Variants in PTPRT observed in about 807,000 individuals in gnomAD.
PTPRT encodes the protein protein tyrosine phosphatase receptor type T, also known as receptor-type tyrosine-protein phosphatase T.
In PTPRT, 56 loss-of-function variants were observed where a neutral mutation model predicts 176.8. The observed-to-expected ratio is 0.32, with a 90% confidence interval of 0.26 to 0.40. The LOEUF is 0.40. PTPRT is among the 10% of genes least tolerant of loss of function. The probability of loss-of-function intolerance (pLI) is 1.00; values close to 1 mark genes in which losing one functional copy is unlikely to be tolerated. For synonymous variants in PTPRT, 783 were observed against 739.0 expected, an observed-to-expected ratio of 1.06 and a Z score of -0.96; for missense variants, 1,540 against 1,908.2, an observed-to-expected ratio of 0.81 and a Z score of 3.60.
At chr20:42,939,352 A>T (rs1208800417) in intron 1 of PTPRT, among the ~76,000 whole-genome samples, 1 of 152,214 alleles carries the variant, frequency 6.6e-6, no homozygotes, top group African/African-American at 2.4e-5. Context: ...CACTCCCGCC[A>T]TCTCAGCCCA....
intron 6 of PTPRT, among the ~76,000 whole-genome samples, chr20:42,734,691 A>G (rs1358631639): frequency 3.3e-5 from 5 of 152,238 alleles, no homozygotes; most frequent in Non-Finnish European, 5.9e-5. Context: ...ATGTACGCAG[A>G]TACTTGTTTC....
chr20:42,136,959 C>G (rs1370192280), intron 18 of PTPRT, among the ~76,000 whole-genome samples: 1 of 152,156 alleles, frequency 6.6e-6, no homozygotes, highest in Non-Finnish European at 1.5e-5. Context: ...TGTATATACC[C>G]ACTTCCATCA....
chr20:42,828,968 C>T (rs2078042665), intron 2 of PTPRT, among the ~76,000 whole-genome samples: 1 of 152,056 alleles, frequency 6.6e-6, no homozygotes, highest in Non-Finnish European at 1.5e-5. Context: ...GGGCCACAGT[C>T]CTCCAGACCC....
Position 42,922,546 on chromosome 20 carries a change from C to T in PTPRT, c.89-36614G>A, listed in dbSNP as rs556558536. The stretch of plus-strand genomic sequence containing the variant: ...AATATCGACTACTCTTCTCCAAACC[C>T]GTTCCTCTCAATCTTCCCTTGCTTG... On this transcript the variant is annotated intron_variant, in intron 1 of 30. Transcript: ENST00000373187. Among the ~76,000 whole-genome samples the T allele has an allele frequency of 1.4e-4, 22 of 152,332 alleles. No individual in the cohort carries two copies. The South Asian group carries it at 3.7e-3, about 26-fold the overall frequency.
At position 42,075,003 on chromosome 20, in the gene PTPRT, C is replaced by T. The variant is rs78000376; in HGVS notation, c.*5876G>A. 9.7e-4 allele frequency: 382 copies of T among 392,918 alleles called. 1 individual carries two copies. Among genetic ancestry groups the T allele is most frequent in the African/African-American group, 7.4e-3 (353 of 47,538 alleles). 24.3% of individuals were successfully genotyped at this position (392,918 alleles called of 1,614,324 possible). ...AAACTGGAGCTAGAACAGCTCCCCC[C>T]ACACTCCACCACTAACCTCTCTCCC... On this transcript the variant is annotated 3_prime_UTR_variant, in exon 31 of 31. Transcript: ENST00000373187.
chr20:42,154,477 G>A (rs954586792), intron 17 of PTPRT, among the ~76,000 whole-genome samples: 7 of 152,314 alleles, frequency 4.6e-5, no homozygotes, highest in African/African-American at 1.4e-4. Flanking sequence ...TGGTGTGTCC[G>A]TCCTGAGCTG....
chr20:42,519,460 CA>C, intron 7 of PTPRT, among the ~76,000 whole-genome samples: 1 of 152,202 alleles, frequency 6.6e-6, no homozygotes, highest in Middle Eastern at 3.4e-3. Flanking sequence ...ACTGCTTACA[CA>C]AAATATATAG....
At chr20:42,765,327 T>A (rs544883217) in intron 5 of PTPRT, among the ~76,000 whole-genome samples, 1 of 152,222 alleles carries the variant, frequency 6.6e-6, no homozygotes, top group African/African-American at 2.4e-5. Context: ...TGCTCCTTGA[T>A]AAAGACAGGA....
At chr20:42,278,349 G>T (rs1375283525) in intron 13 of PTPRT, among the ~76,000 whole-genome samples, 6 of 144,474 alleles carry the variant, frequency 4.2e-5, no homozygotes, top group Non-Finnish European at 5.9e-5. Flanking sequence ...ATGAGCGAAG[G>T]CCCCAAGCTT....
At chr20:42,982,667 G>A (rs1983346366) in intron 1 of PTPRT, among the ~76,000 whole-genome samples, 1 of 152,168 alleles carries the variant, frequency 6.6e-6, no homozygotes. Context: ...ATGGAGGTGA[G>A]CAGGGCCAGC....
chr20:42,884,935 T>C (rs1392434232), intron 2 of PTPRT, among the ~76,000 whole-genome samples: 2 of 152,062 alleles, frequency 1.3e-5, no homozygotes, highest in Non-Finnish European at 2.9e-5. Context: ...TACGCAGGTA[T>C]ACCCCACATT....
At chr20:42,713,809 A>C (rs1342563341) in intron 6 of PTPRT, among the ~76,000 whole-genome samples, 1 of 152,074 alleles carries the variant, frequency 6.6e-6, no homozygotes, top group Admixed American at 6.6e-5. Context: ...GGTCATTTAA[A>C]AGTGCATAGC....
chr20:42,893,304 C>A (rs2079228360), intron 1 of PTPRT, among the ~76,000 whole-genome samples: 1 of 152,184 alleles, frequency 6.6e-6, no homozygotes, highest in Admixed American at 6.5e-5. Flanking sequence ...ATCAAAACCA[C>A]AATGAGATAC....
chr20:42,873,458 A>G (rs1366584822), intron 2 of PTPRT, among the ~76,000 whole-genome samples: 1 of 152,248 alleles, frequency 6.6e-6, no homozygotes, highest in Non-Finnish European at 1.5e-5. Context: ...TGGTGGGAAT[A>G]CAAGTGACGT....
At chr20:42,620,300 T>C (rs1030613711) in intron 7 of PTPRT, among the ~76,000 whole-genome samples, 1 of 149,646 alleles carries the variant, frequency 6.7e-6, no homozygotes, top group African/African-American at 2.5e-5. Flanking sequence ...CTGCCTATTC[T>C]GAGATCTCCA....
intron 2 of PTPRT, among the ~76,000 whole-genome samples, chr20:42,842,956 A>G (rs992058671): frequency 4.6e-5 from 7 of 152,126 alleles, no homozygotes; most frequent in Non-Finnish European, 2.9e-5. Flanking sequence ...AAATTATCAC[A>G]TTGGGGATTC....
intron 1 of PTPRT, among the ~76,000 whole-genome samples, chr20:43,137,433 A>G (rs1221933183): frequency 6.6e-6 from 1 of 152,244 alleles, no homozygotes; most frequent in Non-Finnish European, 1.5e-5. Flanking sequence ...AGTAGTTGTG[A>G]CACAGGCCAT....
chr20:42,984,870 A>C (rs1396316739), intron 1 of PTPRT, among the ~76,000 whole-genome samples: 2 of 152,238 alleles, frequency 1.3e-5, no homozygotes. Context: ...AAAGGAATGA[A>C]TGCATAGCAT....
chr20:42,510,448 C>T (rs897781229), intron 7 of PTPRT, among the ~76,000 whole-genome samples: 3 of 151,948 alleles, frequency 2.0e-5, no homozygotes, highest in Non-Finnish European at 2.9e-5. Context: ...CATGCTATAA[C>T]GTGTGTGTTT....
Sources: allele counts gnomAD v4.1 joint callset (sites outside exome capture counted in the v4.1 genomes callset), GRCh38; gene constraint gnomAD v4.1.1; transcripts MANE v1.5; gene names NCBI Gene and HGNC (gene_info 2026-07-23, HGNC 2026-07-21).